The following ITM2B variants were observed in gnomAD, a reference collection of about 807,000 sequenced individuals.
ITM2B encodes the protein ABri/ADan amyloid peptide.
A neutral mutation model predicts 27.8 loss-of-function variants in ITM2B; 11 were observed. That is an observed-to-expected ratio of 0.40 (90% confidence interval 0.25 to 0.66). ITM2B has a LOEUF of 0.66. Among genes scored for constraint, ITM2B ranks in the 30% least tolerant of loss-of-function variants. The pLI is 0.43. For missense variants in ITM2B, 296 were observed against 328.9 expected (o/e 0.90, Z 0.77); for synonymous variants, 114 against 114.3 (o/e 1.00, Z 0.02).
rs1951839543 is a variant in ITM2B at position 48,264,196 on chromosome 13, C to A, written c.*2972C>A. 2 of 152,132 alleles carry A rather than the reference C, an allele frequency of 1.3e-5. No homozygotes were observed. Among genetic ancestry groups the A allele is most frequent in the East Asian group, 3.9e-4 (2 of 5,190 alleles). 9.4% of individuals were successfully genotyped at this position (152,132 alleles called of 1,614,324 possible). A position where few individuals can be genotyped will look rare whatever the true frequency, so the allele number is the denominator to read the frequency against. On this transcript the variant is annotated 3_prime_UTR_variant, in exon 6 of 6. Transcript: ENST00000647800. ...TGAAAATGCTTCATACAGCTCTGTA[C>A]AGTTGTTGACAGTGCCTTTTTTGAA... is the stretch of plus-strand genomic sequence containing the variant.
chr13:48,265,449 T>G lies in ITM2B; in HGVS notation c.*4225T>G, dbSNP rs1359558015. 6.6e-6 allele frequency: 1 copy of G among 152,276 alleles called. No individual in the cohort carries two copies. The highest frequency in any genetic ancestry group is 1.5e-5 in the Non-Finnish European group (1 of 68,092). The allele number at this position is 152,276 out of a possible 1,614,324, so 9.4% of individuals were successfully genotyped here. On this transcript the variant is annotated 3_prime_UTR_variant, in exon 6 of 6. Transcript: ENST00000647800. ...CCACCTCCTAGCAGCTTCCTGCTGTTCTGCTCTAGTGGTTCTCTCTGCTTC... is the reference window on the plus strand; with the variant it reads ...CCACCTCCTAGCAGCTTCCTGCTGTGCTGCTCTAGTGGTTCTCTCTGCTTC...
At chr13:48,233,854 A>T (rs1486448221) in intron 1 of ITM2B, among the ~76,000 whole-genome samples, 1 of 152,184 alleles carries the variant, frequency 6.6e-6, no homozygotes, top group Non-Finnish European at 1.5e-5. Flanking sequence ...CTTCCTTCCC[A>T]GTATAAATAA....
Position 48,233,426 on chromosome 13 carries a change from C to T in ITM2B, c.66C>T (p.Ser22=), listed in dbSNP as rs746714921. The T allele has an allele frequency of 4.5e-6, 7 of 1,547,356 alleles. No individual in the cohort carries two copies. The highest frequency in any genetic ancestry group is 1.4e-5 in the African/African-American group (1 of 70,518). Residue 22 remains serine (S), a synonymous_variant, in exon 1 of 6, where the codon AGC becomes AGT. Coordinates refer to ENST00000647800, the MANE Select transcript of ITM2B (RefSeq NM_021999.5). ...AGGCCAAGAAGGACGAGCCCAAGAG[C>T]GGCGAGGAGGCGCTCATCATCCCCC... The part of the protein sequence containing the change: ...QKEAKKDEPK[S]GEEALIIPPD...
chr13:48,246,887 G>A (rs1951727087), intron 1 of ITM2B, among the ~76,000 whole-genome samples: 1 of 152,222 alleles, frequency 6.6e-6, no homozygotes, highest in African/African-American at 2.4e-5. Flanking sequence ...GGAGTGCAGT[G>A]GCATCATCTC....
Position 48,265,987 on chromosome 13 carries a change from C to CA in ITM2B, c.*4764dup, listed in dbSNP as rs1230531282. 1 of 152,190 alleles carries CA rather than the reference C, an allele frequency of 6.6e-6. No individual in the cohort carries two copies. The highest frequency in any genetic ancestry group is 1.5e-5 in the Non-Finnish European group (1 of 68,036). 9.4% of individuals were successfully genotyped at this position (152,190 alleles called of 1,614,324 possible). A position where few individuals can be genotyped will look rare whatever the true frequency, so the allele number is the denominator to read the frequency against. On this transcript the variant is annotated 3_prime_UTR_variant, in exon 6 of 6. Transcript: ENST00000647800. ...CAATACGTTAGTAGGGCACCTGACACATAGTTGCAGCTCTTATTTATTGAA... is the reference window on the plus strand; with the variant it reads ...CAATACGTTAGTAGGGCACCTGACACAATAGTTGCAGCTCTTATTTATTGAA...
At position 48,268,056 on chromosome 13, in the gene ITM2B, A is replaced by G. The variant is rs1187579110; in HGVS notation, c.*6832A>G. The G allele has an allele frequency of 6.6e-6, 1 of 151,992 alleles. No individual in the cohort carries two copies. The highest frequency in any genetic ancestry group is 1.5e-5 in the Non-Finnish European group (1 of 67,976). 9.4% of individuals were successfully genotyped at this position (151,992 alleles called of 1,614,324 possible). The stretch of plus-strand genomic sequence containing the variant: ...ACCATTGTGCTCCTTTCCGGCAAAT[A>G]TTCCTTCCCTCTGCTAAAACTACTT... On this transcript the variant is annotated 3_prime_UTR_variant, in exon 6 of 6. Coordinates refer to ENST00000647800, the MANE Select transcript of ITM2B (RefSeq NM_021999.5).
chr13:48,249,768 G>A (rs1951742905), intron 1 of ITM2B, among the ~76,000 whole-genome samples: 2 of 152,006 alleles, frequency 1.3e-5, no homozygotes, highest in Non-Finnish European at 2.9e-5. Flanking sequence ...TAGCCTTACT[G>A]ATGTTAAAGA....
Position 48,253,902 on chromosome 13 carries a change from G to C in ITM2B, c.212G>C (p.Gly71Ala). ...LAFMLAGVIL[G>A]GAYLYKYFAL... ...TTTATGCTTGCAGGTGTTATTCTAGGAGGAGCATACTTGTACAAATATTTT... is the reference window on the plus strand; with the variant it reads ...TTTATGCTTGCAGGTGTTATTCTAGCAGGAGCATACTTGTACAAATATTTT... Residue 71 changes from glycine to alanine, a missense_variant, in exon 2 of 6, where the codon GGA (glycine) becomes GCA (alanine). Physicochemically the swap from Gly to Ala is moderately conservative, Grantham distance 60. Coordinates refer to ENST00000647800, the MANE Select transcript of ITM2B (RefSeq NM_021999.5). The C allele has an allele frequency of 1.9e-6, 3 of 1,613,874 alleles. No individual in the cohort carries two copies. The highest frequency in any genetic ancestry group is 2.5e-6 in the Non-Finnish European group (3 of 1,179,878).
In ITM2B at chr13:48,261,655, A is replaced by C. The variant is rs1319808201; in HGVS notation, c.*431A>C. The stretch of plus-strand genomic sequence containing the variant: ...CTAGTTTGTTAGTGCATTTGAGCAC[A>C]CATTTTAATTTTCCTCTAATTAAAA... On this transcript the variant is annotated 3_prime_UTR_variant, in exon 6 of 6. Transcript: ENST00000647800. 6.5e-6 allele frequency: 1 copy of C among 153,750 alleles called. No homozygotes were observed. The highest frequency in any genetic ancestry group is 2.4e-5 in the African/African-American group (1 of 41,468). The allele number at this position is 153,750 out of a possible 1,614,324, so 9.5% of individuals were successfully genotyped here.
At position 48,258,231 on chromosome 13, in the gene ITM2B, A is replaced by C; in HGVS notation, c.559A>C (p.Ile187Leu). 1 of 1,439,666 alleles carries C rather than the reference A, an allele frequency of 6.9e-7. No homozygotes were observed. Among genetic ancestry groups the C allele is most frequent in the South Asian group, 1.1e-5 (1 of 87,462 alleles). 89.2% of individuals were successfully genotyped at this position (1,439,666 alleles called of 1,614,324 possible). The change falls in exon 4 of 6, where the codon ATC becomes CTC. Residue 187 changes from isoleucine to leucine, a missense_variant. Coordinates refer to ENST00000647800, the MANE Select transcript of ITM2B (RefSeq NM_021999.5). ...AAACCTACTGGAGTTACTTATTAAC[A>C]TCAAGGTATAAGAATGTTGACTGTT... ...PRNLLELLIN[I>L]KAGTYLPQSY...
chr13:48,246,939 G>A (rs543675211), intron 1 of ITM2B, among the ~76,000 whole-genome samples: 3 of 151,998 alleles, frequency 2.0e-5, no homozygotes, highest in East Asian at 1.9e-4. Context: ...AGCGATTCTC[G>A]TGCCTCAGCC....
intron 1 of ITM2B, among the ~76,000 whole-genome samples, chr13:48,252,515 G>T (rs920296803): frequency 2.0e-5 from 3 of 152,176 alleles, no homozygotes; most frequent in African/African-American, 7.2e-5. Context: ...AATGCCTGGT[G>T]ATCTTCTGAG....
At position 48,253,336 on chromosome 13, in the gene ITM2B, C is replaced by T. The variant is rs1951765160; in HGVS notation, c.118-472C>T. Among the ~76,000 whole-genome samples, 2 of 151,780 alleles carry T rather than the reference C, an allele frequency of 1.3e-5. 1 individual carries two copies. Among genetic ancestry groups the T allele is most frequent in the South Asian group, 4.1e-4 (2 of 4,822 alleles). On this transcript the variant is annotated intron_variant, in intron 1 of 5. Coordinates refer to ENST00000647800, the MANE Select transcript of ITM2B (RefSeq NM_021999.5). ...GTGGATGGTTTAGAATAGTTTTATACCTGGTATGAAATATAAACCACCTGT... is the reference window on the plus strand; with the variant it reads ...GTGGATGGTTTAGAATAGTTTTATATCTGGTATGAAATATAAACCACCTGT...
chr13:48,267,215 A>G lies in ITM2B; in HGVS notation c.*5991A>G, dbSNP rs1951858072. The G allele has an allele frequency of 6.6e-6, 1 of 152,244 alleles. No homozygotes were observed. The highest frequency in any genetic ancestry group is 2.4e-5 in the African/African-American group (1 of 41,468). 9.4% of individuals were successfully genotyped at this position (152,244 alleles called of 1,614,324 possible). ...GGATAAATATATCCATTAAGCCTTC[A>G]GACTAAGATGCAGGAATAGTTTTCC... On this transcript the variant is annotated 3_prime_UTR_variant, in exon 6 of 6. Coordinates refer to ENST00000647800, the MANE Select transcript of ITM2B (RefSeq NM_021999.5).
In ITM2B at chr13:48,264,951, G is replaced by C. The variant is rs566706594; in HGVS notation, c.*3727G>C. 2.0e-5 allele frequency: 3 copies of C among 151,996 alleles called. No homozygotes were observed. The highest frequency in any genetic ancestry group is 4.4e-5 in the Non-Finnish European group (3 of 68,002). The allele number at this position is 151,996 out of a possible 1,614,324, so 9.4% of individuals were successfully genotyped here. A position where few individuals can be genotyped will look rare whatever the true frequency, so the allele number is the denominator to read the frequency against. ...TATTTCCTGATAGCACACATGTATG[G>C]GTTGTAGATTCCACACTTTTAATCT... On this transcript the variant is annotated 3_prime_UTR_variant, in exon 6 of 6. Coordinates refer to ENST00000647800, the MANE Select transcript of ITM2B (RefSeq NM_021999.5).
intron 1 of ITM2B, among the ~76,000 whole-genome samples, chr13:48,236,701 C>A (rs7981895): frequency 6.6e-6 from 1 of 152,126 alleles, no homozygotes; most frequent in Non-Finnish European, 1.5e-5. Flanking sequence ...TGTAATAAAG[C>A]ACATTGTCAC....
intron 5 of ITM2B, among the ~76,000 whole-genome samples, chr13:48,259,832 T>C (rs9591153): frequency 0.05 from 7,553 of 151,930 alleles, 392 homozygotes; most frequent in African/African-American, 0.12. Context: ...AAGTACCCAA[T>C]AGGTAGTTTT....
At position 48,233,459 on chromosome 13, in the gene ITM2B, C is replaced by A; in HGVS notation, c.99C>A (p.Ala33=). ...GEEALIIPPD[A]VAVDCKDPDD... is the part of the protein sequence containing the mutation. ...AGGCGCTCATCATCCCCCCCGACGC[C>A]GTCGCGGTGGACTGCAAGGTCCGAG... The change falls in exon 1 of 6, where the codon GCC becomes GCA. Residue 33 remains alanine, a synonymous_variant. Transcript: ENST00000647800. 1 of 1,533,872 alleles carries A rather than the reference C, an allele frequency of 6.5e-7. No homozygotes were observed. Among genetic ancestry groups the A allele is most frequent in the East Asian group, 2.6e-5 (1 of 38,184 alleles).
chr13:48,252,742 T>C (rs1027579866), intron 1 of ITM2B, among the ~76,000 whole-genome samples: 1 of 152,218 alleles, frequency 6.6e-6, no homozygotes, highest in African/African-American at 2.4e-5. Context: ...TTAAGCCTAC[T>C]CCATAGTGGG....
Sources: allele counts gnomAD v4.1 joint callset (sites outside exome capture counted in the v4.1 genomes callset), GRCh38; gene constraint gnomAD v4.1.1; transcripts MANE v1.5; gene names NCBI Gene and HGNC (gene_info 2026-07-23, HGNC 2026-07-21).